The following CENPP variants were observed in gnomAD, a reference collection of about 807,000 sequenced individuals.
CENPP encodes the protein centromere protein P.
CENPP carries 24 observed loss-of-function variants against 35.6 expected under a neutral mutation model. That is an observed-to-expected ratio of 0.67 (90% confidence interval 0.49 to 0.95). CENPP has a LOEUF of 0.95. Among genes scored for constraint, CENPP ranks in the 40% least tolerant of loss-of-function variants. The probability of loss-of-function intolerance (pLI) is 0.00; values close to 1 mark genes in which losing one functional copy is unlikely to be tolerated. For missense variants in CENPP, 332 were observed against 345.3 expected, an observed-to-expected ratio of 0.96 and a Z score of 0.31; for synonymous variants, 120 against 125.5, an observed-to-expected ratio of 0.96 and a Z score of 0.29.
At chr9:92,500,818 A>C in intron 5 of CENPP, 1 of 1,614,234 alleles carries the variant, frequency 6.2e-7, no homozygotes, top group Non-Finnish European at 8.5e-7. Context: ...TGATCCAGAA[A>C]TAATTCTCTC....
rs538620267 is a variant in CENPP, at chr9:92,568,098, C to T, written c.565-43216C>T. Among the ~76,000 whole-genome samples the T allele has an allele frequency of 7.9e-5, 12 of 151,816 alleles. No homozygotes were observed. In the East Asian group the frequency reaches 2.3e-3, roughly 29 times the overall value. ...TCTTTTTTTTATTATACTTTAAGTT[C>T]TAGGATACATGTGCACTAGGGTACA... On this transcript the variant is annotated intron_variant, in intron 5 of 7. Coordinates refer to ENST00000375587, the MANE Select transcript of CENPP (RefSeq NM_001012267.3).
intron 5 of CENPP, among the ~76,000 whole-genome samples, chr9:92,423,243 A>G (rs562222259): frequency 1.3e-5 from 2 of 152,262 alleles, no homozygotes; most frequent in South Asian, 4.1e-4. Flanking sequence ...TGTGAAAAAG[A>G]ATGTTTGGAG....
intron 5 of CENPP, among the ~76,000 whole-genome samples, chr9:92,461,011 G>A (rs988943262): frequency 3.3e-5 from 5 of 152,066 alleles, no homozygotes; most frequent in Admixed American, 3.3e-4. Context: ...TCTTATTATG[G>A]TAAAATTGTA....
chr9:92,509,259 G>A (rs1360949628), intron 5 of CENPP, among the ~76,000 whole-genome samples: 1 of 152,114 alleles, frequency 6.6e-6, no homozygotes, highest in African/African-American at 2.4e-5. Flanking sequence ...AGAAGTTCCA[G>A]CCCAAGCCCT....
intron 5 of CENPP, chr9:92,386,429 T>C (rs1345315989): frequency 5.0e-6 from 3 of 600,964 alleles, no homozygotes; most frequent in Non-Finnish European, 8.9e-6. Flanking sequence ...ACATCAATTA[T>C]ATCAATTGTT....
intron 5 of CENPP, chr9:92,600,544 G>A (rs1850885122): frequency 2.5e-6 from 4 of 1,612,492 alleles, no homozygotes; most frequent in Non-Finnish European, 3.4e-6. Context: ...CACTGGGGCT[G>A]GGGCACATGG....
In CENPP at chr9:92,615,930, T is replaced by G. The variant is rs367739499; in HGVS notation, c.*2781T>G. 44 of 1,614,060 alleles carry G rather than the reference T, an allele frequency of 2.7e-5. No homozygotes were observed. The highest frequency in any genetic ancestry group is 4.0e-5 in the African/African-American group (3 of 74,922). ...GCACGTACAGTCTTTGAATAATAGT[T>G]GACGATCTTGCCGTCCAGTTTATAC... On this transcript the variant is annotated 3_prime_UTR_variant, in exon 8 of 8. Coordinates refer to ENST00000375587, the MANE Select transcript of CENPP (RefSeq NM_001012267.3).
chr9:92,415,799 T>TTA (rs1327579343), intron 5 of CENPP, among the ~76,000 whole-genome samples: 1 of 147,598 alleles, frequency 6.8e-6, no homozygotes, highest in Non-Finnish European at 1.5e-5. Context: ...TTTCTCTCTT[T>TTA]TATATATATA....
intron 1 of CENPP, among the ~76,000 whole-genome samples, chr9:92,331,715 C>T (rs897401798): frequency 3.3e-5 from 5 of 152,270 alleles, no homozygotes; most frequent in East Asian, 1.9e-4. Flanking sequence ...TAATCCAGCA[C>T]GCTGGGAGAC....
In CENPP at chr9:92,618,841, C is replaced by G. The variant is rs1851531046; in HGVS notation, c.*5692C>G. On this transcript the variant is annotated 3_prime_UTR_variant, in exon 8 of 8. Coordinates refer to ENST00000375587, the MANE Select transcript of CENPP (RefSeq NM_001012267.3). The stretch of plus-strand genomic sequence containing the variant: ...CCAAGGTCATCTTGACCCAGGAACA[C>G]ATGTTAGAAGAATGTGGAACATTCC... 2.8e-6 allele frequency: 1 copy of G among 352,446 alleles called. No homozygotes were observed. The highest frequency in any genetic ancestry group is 2.2e-5 in the South Asian group (1 of 45,708). The allele number at this position is 352,446 out of a possible 1,614,324, so 21.8% of individuals were successfully genotyped here. A position where few individuals can be genotyped will look rare whatever the true frequency, so the allele number is the denominator to read the frequency against.
intron 3 of CENPP, among the ~76,000 whole-genome samples, chr9:92,342,940 A>G (rs907916878): frequency 3.3e-5 from 5 of 152,228 alleles, no homozygotes; most frequent in African/African-American, 1.2e-4. Context: ...ACCATTTTAC[A>G]TACTGAGCAC....
In CENPP at chr9:92,532,029, A is replaced by AT. The variant is rs201461115; in HGVS notation, c.565-79281dup. On this transcript the variant is annotated intron_variant, in intron 5 of 7. Transcript: ENST00000375587. ...TTTTATTTAATGTTTTTTTTTTTTT[A>AT]TTTTATTTTTTTTTTGAGATGAGGT... is the stretch of plus-strand genomic sequence containing the variant. 2.8e-3 allele frequency among the ~76,000 whole-genome samples: 256 copies of AT among 91,032 alleles called. 11 individuals are homozygous for AT. Among genetic ancestry groups the AT allele is most frequent in the South Asian group, 0.011 (33 of 2,908 alleles). The allele number at this position is 91,032 out of a possible 152,430, so 59.7% of individuals were successfully genotyped here. A position where few individuals can be genotyped will look rare whatever the true frequency, so the allele number is the denominator to read the frequency against.
intron 5 of CENPP, chr9:92,496,617 A>T: frequency 9.2e-7 from 1 of 1,082,276 alleles, no homozygotes; most frequent in Non-Finnish European, 1.2e-6. Flanking sequence ...ATAAATTCCA[A>T]CTACGTCAGA....
intron 7 of CENPP, 143 bp from the exon 8 acceptor site, chr9:92,612,876 C>T (rs1851307998): frequency 4.1e-5 from 41 of 1,006,882 alleles, no homozygotes; most frequent in Non-Finnish European, 6.1e-5. Flanking sequence ...CACTCCATCT[C>T]CTCGCCCGCC....
chr9:92,510,899 T>C (rs1847293328), intron 5 of CENPP, among the ~76,000 whole-genome samples: 1 of 152,172 alleles, frequency 6.6e-6, no homozygotes, highest in South Asian at 2.1e-4. Context: ...CCCTTTTATC[T>C]GCCAGACTCC....
At position 92,616,277 on chromosome 9, in the gene CENPP, G is replaced by A. The variant is rs1021276823; in HGVS notation, c.*3128G>A. The A allele has an allele frequency of 4.0e-6, 2 of 498,436 alleles. No homozygotes were observed. Among genetic ancestry groups the A allele is most frequent in the East Asian group, 7.3e-5 (2 of 27,568 alleles). The allele number at this position is 498,436 out of a possible 1,614,324, so 30.9% of individuals were successfully genotyped here. On this transcript the variant is annotated 3_prime_UTR_variant, in exon 8 of 8. Transcript: ENST00000375587. Reference sequence around the variant, plus strand: ...CTGTGCACCTGTGATCTGTGCGTGTGACAGCTGTCTGTGCCGGCTGTGTGC... The same window carrying A: ...CTGTGCACCTGTGATCTGTGCGTGTAACAGCTGTCTGTGCCGGCTGTGTGC...
chr9:92,399,634 A>T (rs932749317), intron 5 of CENPP, among the ~76,000 whole-genome samples: 18 of 152,264 alleles, frequency 1.2e-4, no homozygotes, highest in Middle Eastern at 6.8e-3. Flanking sequence ...TAGTACTTGT[A>T]CGATTTCATT....
At chr9:92,443,016 T>A (rs1844461128) in intron 5 of CENPP, among the ~76,000 whole-genome samples, 1 of 152,112 alleles carries the variant, frequency 6.6e-6, no homozygotes, top group African/African-American at 2.4e-5. Context: ...GGCAAGAATA[T>A]CTACTTTCAT....
intron 5 of CENPP, chr9:92,501,162 C>A: frequency 9.1e-7 from 1 of 1,093,072 alleles, no homozygotes. Context: ...TATAAGCACC[C>A]AGTTTGTAGT....
Sources: gnomAD v4.1 joint callset for allele counts (sites outside exome capture counted in the v4.1 genomes callset) on GRCh38, gnomAD v4.1.1 for gene constraint, MANE v1.5 for transcripts, NCBI Gene and HGNC (gene_info 2026-07-23, HGNC 2026-07-21) for gene names.